Variants in SMARCC1 observed in about 807,000 individuals in gnomAD.
SMARCC1 encodes SWI/SNF complex subunit SMARCC1.
A neutral mutation model predicts 147.4 loss-of-function variants in SMARCC1; 43 were observed. That is an observed-to-expected ratio of 0.29 (90% CI 0.23 to 0.38). The LOEUF (loss-of-function observed/expected upper bound fraction) is 0.38, where lower values mean the gene tolerates loss of function less well. SMARCC1 is among the 10% of genes least tolerant of loss of function. The probability of loss-of-function intolerance (pLI) is 1.00; values close to 1 mark genes in which losing one functional copy is unlikely to be tolerated. For missense variants in SMARCC1, 1,119 were observed against 1,381.1 expected (o/e 0.81, Z 3.01); for synonymous variants, 495 against 484.4 (o/e 1.02, Z -0.29).
chr3:47,717,655 T>C (rs1279897002), intron 7 of SMARCC1, among the ~76,000 whole-genome samples: 1 of 152,026 alleles, frequency 6.6e-6, no homozygotes. Context: ...CCTCAACCTC[T>C]GGGGCTCAAG....
intron 2 of SMARCC1, among the ~76,000 whole-genome samples, chr3:47,761,490 T>C (rs1362207245): frequency 6.6e-6 from 1 of 151,664 alleles, no homozygotes; most frequent in African/African-American, 2.4e-5. Context: ...TTGATCACTG[T>C]ATTTGCCAGG....
chr3:47,752,629 A>C (rs1265096199), intron 2 of SMARCC1, among the ~76,000 whole-genome samples: 1 of 152,088 alleles, frequency 6.6e-6, no homozygotes, highest in African/African-American at 2.4e-5. Flanking sequence ...TGTCTCTAGA[A>C]AATAATTAAA....
chr3:47,697,804 G>C (rs1221985049), intron 11 of SMARCC1, among the ~76,000 whole-genome samples: 1 of 150,928 alleles, frequency 6.6e-6, no homozygotes, highest in Non-Finnish European at 1.5e-5. Flanking sequence ...TCAGGAGATC[G>C]AGACCATCCT....
intron 4 of SMARCC1, 57 bp from the exon 5 acceptor site, chr3:47,736,183 T>G: frequency 1.0e-6 from 1 of 974,856 alleles, no homozygotes. Context: ...AATATCATAT[T>G]ATTTATGCAA....
At chr3:47,699,758 T>G (rs1414936612) in intron 11 of SMARCC1, among the ~76,000 whole-genome samples, 2 of 152,186 alleles carry the variant, frequency 1.3e-5, no homozygotes, top group African/African-American at 4.8e-5. Context: ...TCAATTGCTC[T>G]GTTTAGTGCC....
At position 47,739,403 on chromosome 3, in the gene SMARCC1, C is replaced by T. The variant is rs541221140; in HGVS notation, c.402-1293G>A. ...TGGTGCAGTAAGAGCTCCCTGTAAC[C>T]TTGAACTCCTGGGCTCAGGGGATAC... On this transcript the variant is annotated intron_variant, in intron 3 of 27. Transcript: ENST00000254480. Among the ~76,000 whole-genome samples the T allele has an allele frequency of 4.6e-5, 7 of 152,312 alleles. No individual in the cohort carries two copies. In the South Asian group the frequency reaches 1.4e-3, roughly 32 times the overall value.
intron 7 of SMARCC1, among the ~76,000 whole-genome samples, chr3:47,715,933 A>G (rs2034150630): frequency 6.6e-6 from 1 of 152,130 alleles, no homozygotes; most frequent in Non-Finnish European, 1.5e-5. Context: ...CTCTTTATCA[A>G]CAAGAACTCA....
At chr3:47,750,523 C>T (rs1255734006) in intron 2 of SMARCC1, among the ~76,000 whole-genome samples, 1 of 152,150 alleles carries the variant, frequency 6.6e-6, no homozygotes, top group Non-Finnish European at 1.5e-5. Context: ...TACAGAAAGC[C>T]TTCCCTAAAT....
chr3:47,646,422 T>C (rs959622427), intron 21 of SMARCC1, among the ~76,000 whole-genome samples: 6 of 152,204 alleles, frequency 3.9e-5, no homozygotes, highest in Non-Finnish European at 7.3e-5. Context: ...ATCTGACCCA[T>C]GTCTGCAGCG....
At chr3:47,754,288 C>T (rs1202264497) in intron 2 of SMARCC1, among the ~76,000 whole-genome samples, 3 of 151,910 alleles carry the variant, frequency 2.0e-5, no homozygotes, top group South Asian at 2.1e-4. Context: ...CTGCAACCTC[C>T]GCCTCCCAGG....
chr3:47,771,072 G>A (rs911122931), intron 2 of SMARCC1, among the ~76,000 whole-genome samples: 1 of 151,882 alleles, frequency 6.6e-6, no homozygotes, highest in Non-Finnish European at 1.5e-5. Context: ...CACCACGCCC[G>A]GCTAATTTTT....
At chr3:47,589,048 G>A (rs1205442998) in intron 27 of SMARCC1, among the ~76,000 whole-genome samples, 1 of 152,156 alleles carries the variant, frequency 6.6e-6, no homozygotes, top group East Asian at 1.9e-4. Flanking sequence ...GAAATAAAGT[G>A]CAGCATTGCT....
intron 11 of SMARCC1, among the ~76,000 whole-genome samples, chr3:47,694,974 G>C (rs1338778059): frequency 6.6e-6 from 1 of 152,144 alleles, no homozygotes; most frequent in Non-Finnish European, 1.5e-5. Context: ...CCTGTTTAAA[G>C]TGCTAAATTT....
chr3:47,771,331 C>T (rs915065841), intron 2 of SMARCC1, among the ~76,000 whole-genome samples: 3 of 152,030 alleles, frequency 2.0e-5, no homozygotes, highest in East Asian at 1.9e-4. Flanking sequence ...GCTAACAGCA[C>T]GCTAGAAACA....
chr3:47,724,760 G>C (rs988161959), intron 6 of SMARCC1, among the ~76,000 whole-genome samples: 4 of 152,120 alleles, frequency 2.6e-5, no homozygotes, highest in African/African-American at 4.8e-5. Flanking sequence ...AAGTTCTAAA[G>C]ATCTCTTGCA....
intron 1 of SMARCC1, among the ~76,000 whole-genome samples, chr3:47,779,097 C>CT (rs1265325370): frequency 3.3e-5 from 5 of 151,336 alleles, no homozygotes; most frequent in Non-Finnish European, 7.4e-5. Context: ...GTGAGTTATA[C>CT]TTTAAGTACC....
At chr3:47,724,852 G>A (rs551184510) in intron 6 of SMARCC1, among the ~76,000 whole-genome samples, 15 of 151,920 alleles carry the variant, frequency 9.9e-5, no homozygotes, top group African/African-American at 1.5e-4. Context: ...TTGAGCCCAG[G>A]AGTTTGAAAC....
chr3:47,659,057 G>A (rs2033301599), intron 21 of SMARCC1, among the ~76,000 whole-genome samples: 1 of 148,260 alleles, frequency 6.7e-6, no homozygotes, highest in South Asian at 2.1e-4. Flanking sequence ...GGCGGAGGCT[G>A]CAGTGAGCTG....
At chr3:47,758,235 T>C (rs1255683814) in intron 2 of SMARCC1, among the ~76,000 whole-genome samples, 1 of 152,040 alleles carries the variant, frequency 6.6e-6, no homozygotes, top group Non-Finnish European at 1.5e-5. Context: ...TCCTCACACC[T>C]CAACCTCCTA....
Sources: allele counts gnomAD v4.1 joint callset (sites outside exome capture counted in the v4.1 genomes callset), GRCh38; gene constraint gnomAD v4.1.1; transcripts MANE v1.5; gene names NCBI Gene and HGNC (gene_info 2026-07-23, HGNC 2026-07-21).